Variants in GUCY2F observed in about 807,000 individuals in gnomAD.
The protein encoded by GUCY2F is guanylate cyclase 2F, retinal.
Under a neutral mutation model 73.1 loss-of-function variants are expected in GUCY2F, and 61 were observed. The ratio of observed to expected loss-of-function variants is 0.83; its 90% CI spans 0.68 to 1.03. GUCY2F has a LOEUF of 1.03. GUCY2F is among the 50% of genes least tolerant of loss of function. GUCY2F has a pLI of 0.00. For synonymous variants in GUCY2F, 331 were observed against 307.8 expected (o/e 1.08, Z -0.79); for missense variants, 912 against 854.3 (o/e 1.07, Z -0.84).
intron 10 of GUCY2F, among the ~76,000 whole-genome samples, chrX:109,401,157 C>T (rs1001952260): frequency 8.9e-6 from 1 of 111,926 alleles, no homozygotes; most frequent in Non-Finnish European, 1.9e-5. Flanking sequence ...ATTTACAATC[C>T]GCCCCCATTT....
At chrX:109,385,929 A>G (rs1930425448) in intron 15 of GUCY2F, among the ~76,000 whole-genome samples, 1 of 111,697 alleles carries the variant, frequency 9.0e-6, no homozygotes, top group African/African-American at 3.3e-5. Flanking sequence ...GAGTATCCAG[A>G]AAGTTCTTCA....
At chrX:109,445,962 C>T (rs1327593117) in intron 6 of GUCY2F, among the ~76,000 whole-genome samples, 1 of 111,791 alleles carries the variant, frequency 8.9e-6, no homozygotes, top group Non-Finnish European at 1.9e-5. Flanking sequence ...AAATCACAAG[C>T]ATTCTTATAC....
intron 17 of GUCY2F, among the ~76,000 whole-genome samples, chrX:109,378,411 A>G (rs1299949763): frequency 3.6e-5 from 4 of 111,736 alleles, no homozygotes; most frequent in Non-Finnish European, 7.5e-5. Flanking sequence ...AGCTTGTGAG[A>G]TTAATGAGCT....
At position 109,441,398 on chromosome X, in the gene GUCY2F, T is replaced by C; in HGVS notation, c.1654A>G (p.Ser552Gly). ...TTTTCATAGGTAGCTGGAGTTAGAC[T>C]CCCTGAAGAAAAGGAGAGTCTTGGG... is the stretch of plus-strand genomic sequence containing the variant. ...RSPRLSFSSG[S>G]LTPATYENSN... is the part of the protein sequence containing the mutation. The change falls in exon 7 of 20, where the codon AGT becomes GGT. Residue 552 changes from serine (S) to glycine (G), a missense_variant. Coordinates refer to ENST00000218006, the MANE Select transcript of GUCY2F (RefSeq NM_001522.3). 1.7e-6 allele frequency: 2 copies of C among 1,164,320 alleles called. No individual in the cohort carries two copies. The highest frequency in any genetic ancestry group is 2.3e-6 in the Non-Finnish European group (2 of 859,168).
At chrX:109,383,074 T>C (rs1271014331) in intron 16 of GUCY2F, among the ~76,000 whole-genome samples, 5 of 111,547 alleles carry the variant, frequency 4.5e-5, no homozygotes, top group South Asian at 3.8e-4. Context: ...TAGGAAGGCA[T>C]GGCGGGAGAG....
intron 7 of GUCY2F, among the ~76,000 whole-genome samples, chrX:109,434,987 T>A (rs1477619486): frequency 1.2e-4 from 13 of 109,815 alleles, no homozygotes; most frequent in Non-Finnish European, 2.4e-4. Flanking sequence ...TTGATCTATA[T>A]GTCTGTTTTG....
At chrX:109,430,217 A>C in intron 8 of GUCY2F, 90 bp downstream of exon 8, 1 of 578,748 alleles carries the variant, frequency 1.7e-6, no homozygotes, top group Non-Finnish European at 2.9e-6. Context: ...CTGATTTGTT[A>C]AGGGGTCTTC....
chrX:109,470,779 T>C (rs182388761), intron 2 of GUCY2F, among the ~76,000 whole-genome samples: 2 of 111,848 alleles, frequency 1.8e-5, no homozygotes, highest in East Asian at 2.8e-4. Flanking sequence ...CAGGGGATTC[T>C]GATGCCCACT....
chrX:109,405,053 A>G (rs1428486533), intron 9 of GUCY2F, among the ~76,000 whole-genome samples: 1 of 112,407 alleles, frequency 8.9e-6, no homozygotes, highest in African/African-American at 3.2e-5. Flanking sequence ...GGGACTGGCT[A>G]GAGTGTGGTA....
chrX:109,416,547 T>C (rs1172026545), intron 8 of GUCY2F, among the ~76,000 whole-genome samples: 1 of 110,787 alleles, frequency 9.0e-6, no homozygotes, highest in African/African-American at 3.3e-5. Context: ...GACTAACACA[T>C]AGGTAACTTG....
At position 109,409,143 on chromosome X, in the gene GUCY2F, A is replaced by T. The variant is rs767541300; in HGVS notation, c.1817T>A (p.Ile606Asn). ...ATAGAAGAAACCCAATAAAGGGTTA[A>T]TATTCTCATGACGCAAGTCCTTCAT... is the stretch of plus-strand genomic sequence containing the variant. Reference protein sequence around the residue: ...EMMKDLRHENINPLLGFFYDS... With the variant: ...EMMKDLRHENNNPLLGFFYDS... The change falls in exon 9 of 20, where the codon ATT (isoleucine) becomes AAT (asparagine). Residue 606 changes from isoleucine to asparagine, a missense_variant. Ile to Asn is a moderately radical substitution (Grantham distance 149). Coordinates refer to ENST00000218006, the MANE Select transcript of GUCY2F (RefSeq NM_001522.3). 1.1e-5 allele frequency: 12 copies of T among 1,124,218 alleles called. No homozygotes were observed. The allele number at this position is 1,124,218 out of a possible 1,213,427, so 92.6% of individuals were successfully genotyped here.
At chrX:109,425,962 G>T (rs1931478076) in intron 8 of GUCY2F, among the ~76,000 whole-genome samples, 1 of 111,388 alleles carries the variant, frequency 9.0e-6, no homozygotes, top group African/African-American at 3.3e-5. Context: ...TTGATGTATG[G>T]GTGGTAGGAA....
chrX:109,440,448 G>A (rs190830651), intron 7 of GUCY2F, among the ~76,000 whole-genome samples: 2 of 111,728 alleles, frequency 1.8e-5, no homozygotes, highest in Non-Finnish European at 3.8e-5. Flanking sequence ...CCATAGTAAG[G>A]TCCCTGTCAA....
chrX:109,422,808 T>C (rs1569364143), intron 8 of GUCY2F, among the ~76,000 whole-genome samples: 1 of 111,884 alleles, frequency 8.9e-6, no homozygotes, highest in Admixed American at 9.5e-5. Flanking sequence ...ATAAAAAGAC[T>C]GGTTCAAGAA....
chrX:109,389,532 T>C (rs1387053053), intron 14 of GUCY2F, among the ~76,000 whole-genome samples: 1 of 112,323 alleles, frequency 8.9e-6, no homozygotes, highest in Non-Finnish European at 1.9e-5. Context: ...TTATACCATC[T>C]TGATTAGCAT....
At chrX:109,391,198 A>T (rs1342276890) in intron 14 of GUCY2F, among the ~76,000 whole-genome samples, 1 of 111,859 alleles carries the variant, frequency 8.9e-6, no homozygotes, top group Non-Finnish European at 1.9e-5. Flanking sequence ...AAAAAAAGGT[A>T]AGGAGGCATG....
chrX:109,429,371 A>G (rs1730703166), intron 8 of GUCY2F, among the ~76,000 whole-genome samples: 1 of 106,432 alleles, frequency 9.4e-6, no homozygotes, highest in Non-Finnish European at 1.9e-5. Context: ...CTGAGATCGC[A>G]CCATTGTACT....
intron 7 of GUCY2F, among the ~76,000 whole-genome samples, chrX:109,435,232 C>T (rs1367762467): frequency 1.8e-5 from 2 of 110,629 alleles, no homozygotes; most frequent in Non-Finnish European, 1.9e-5. Flanking sequence ...TGGCCATTTT[C>T]ACGATATTGA....
chrX:109,411,911 A>G (rs1931121186), intron 8 of GUCY2F, among the ~76,000 whole-genome samples: 1 of 112,085 alleles, frequency 8.9e-6, no homozygotes, highest in African/African-American at 3.2e-5. Context: ...AAGACTTAGA[A>G]GAAAGGCCAG....
Sources: gnomAD v4.1 joint callset for allele counts (sites outside exome capture counted in the v4.1 genomes callset) on GRCh38, gnomAD v4.1.1 for gene constraint, MANE v1.5 for transcripts, NCBI Gene and HGNC (gene_info 2026-07-23, HGNC 2026-07-21) for gene names.